CNTN4: variants seen among roughly 807,000 people sequenced by gnomAD.
CNTN4 encodes the protein contactin 4, also known as contactin-4.
Under a neutral mutation model 122.5 loss-of-function variants are expected in CNTN4, and 77 were observed. The ratio of observed to expected loss-of-function variants is 0.63; its 90% CI spans 0.52 to 0.76. The LOEUF is 0.76. Ranked by LOEUF, CNTN4 falls within the 30% of genes least tolerant of loss-of-function variation. The pLI, the probability that CNTN4 is intolerant of heterozygous loss-of-function variation, is 0.00. For synonymous variants in CNTN4, 512 were observed against 447.0 expected, an observed-to-expected ratio of 1.15 and a Z score of -1.83; for missense variants, 1,256 against 1,259.1, an observed-to-expected ratio of 1.00 and a Z score of 0.04.
chr3:2,667,441 T>C (rs2084236669), intron 4 of CNTN4, among the ~76,000 whole-genome samples: 1 of 152,192 alleles, frequency 6.6e-6, no homozygotes, highest in East Asian at 1.9e-4. Context: ...TGGGGTTGTT[T>C]GACTTTTTCT....
At chr3:3,010,606 A>C (rs1697134865) in intron 14 of CNTN4, among the ~76,000 whole-genome samples, 1 of 152,120 alleles carries the variant, frequency 6.6e-6, no homozygotes, top group Admixed American at 6.5e-5. Flanking sequence ...TGTAGTGATT[A>C]TTTTTGTTAT....
At chr3:2,388,274 A>C (rs2046318622) in intron 3 of CNTN4, among the ~76,000 whole-genome samples, 1 of 152,148 alleles carries the variant, frequency 6.6e-6, no homozygotes, top group South Asian at 2.1e-4. Context: ...TGTTTCTCAT[A>C]ATTTAAATGT....
chr3:2,519,534 G>C (rs1559630102), intron 3 of CNTN4, among the ~76,000 whole-genome samples: 2 of 152,118 alleles, frequency 1.3e-5, no homozygotes, highest in Non-Finnish European at 2.9e-5. Flanking sequence ...TTCACATTCT[G>C]TACCACGAAG....
At chr3:2,694,777 A>G (rs988117281) in intron 4 of CNTN4, among the ~76,000 whole-genome samples, 4 of 152,146 alleles carry the variant, frequency 2.6e-5, no homozygotes, top group Non-Finnish European at 4.4e-5. Context: ...TAAACCTACA[A>G]TGCTATTCTA....
At chr3:2,533,031 G>A (rs1399443943) in intron 3 of CNTN4, among the ~76,000 whole-genome samples, 4 of 151,576 alleles carry the variant, frequency 2.6e-5, no homozygotes, top group Non-Finnish European at 5.9e-5. Context: ...TGTGAATCTT[G>A]TTTTCATTAT....
intron 3 of CNTN4, among the ~76,000 whole-genome samples, chr3:2,390,825 A>G (rs968035270): frequency 1.3e-5 from 2 of 152,288 alleles, no homozygotes; most frequent in African/African-American, 2.4e-5. Flanking sequence ...TGTTTCTTGC[A>G]CTTGGAAATT....
intron 4 of CNTN4, among the ~76,000 whole-genome samples, chr3:2,604,927 A>C (rs558431383): frequency 6.6e-6 from 1 of 152,318 alleles, no homozygotes; most frequent in Admixed American, 6.5e-5. Context: ...TAAATAGTAC[A>C]GTATTGTTAA....
chr3:2,768,469 A>T (rs182412160), intron 6 of CNTN4, among the ~76,000 whole-genome samples: 104 of 152,328 alleles, frequency 6.8e-4, no homozygotes, highest in African/African-American at 2.5e-3. Flanking sequence ...TTGGTGAAGT[A>T]TTTACTAGAT....
intron 12 of CNTN4, among the ~76,000 whole-genome samples, 163 bp downstream of exon 12, chr3:2,903,168 A>G (rs1480472515): frequency 6.6e-6 from 1 of 152,246 alleles, no homozygotes; most frequent in Non-Finnish European, 1.5e-5. Context: ...TCTATAAACA[A>G]TAACAAGAGA....
intron 2 of CNTN4, among the ~76,000 whole-genome samples, chr3:2,324,608 C>A (rs182364501): frequency 6.6e-6 from 1 of 152,192 alleles, no homozygotes; most frequent in East Asian, 1.9e-4. Flanking sequence ...AGATCTGTTT[C>A]CCTCCATCTA....
Position 2,600,005 on chromosome 3 carries a change from CTTCTTTTTTT to C in CNTN4, c.55+28450_55+28459del, listed in dbSNP as rs1434993778. Among the ~76,000 whole-genome samples the C allele has an allele frequency of 6.8e-3, 192 of 28,298 alleles. 6 individuals are homozygous for C. Among genetic ancestry groups the C allele is most frequent in the African/African-American group, 0.012 (150 of 12,740 alleles). The allele number at this position is 28,298 out of a possible 152,430, so 18.6% of individuals were successfully genotyped here. A position where few individuals can be genotyped will look rare whatever the true frequency, so the allele number is the denominator to read the frequency against. ...CAACTCTATTTTGGTTTATGGAATT[CTTCTTTTTTT>C]TTTTTTTTTTTTTTTTTTTTGCCAA... On this transcript the variant is annotated intron_variant, in intron 4 of 24. Coordinates refer to ENST00000418658, the MANE Select transcript of CNTN4 (RefSeq NM_175607.3).
chr3:3,039,755 T>G (rs1699969180), intron 19 of CNTN4: 2 of 417,602 alleles, frequency 4.8e-6, no homozygotes, highest in Non-Finnish European at 8.9e-6. Context: ...CCAGTGTTTT[T>G]TTTTTTACAA....
intron 4 of CNTN4, among the ~76,000 whole-genome samples, chr3:2,649,042 C>G (rs1057398857): frequency 6.6e-6 from 1 of 152,110 alleles, no homozygotes; most frequent in Non-Finnish European, 1.5e-5. Context: ...TCTGTGAAGG[C>G]TGAAAGAGGC....
At position 2,660,013 on chromosome 3, in the gene CNTN4, A is replaced by G. The variant is rs142877755; in HGVS notation, c.56-76202A>G. Among the ~76,000 whole-genome samples the G allele has an allele frequency of 2.0e-3, 307 of 152,298 alleles. 2 individuals are homozygous for G. The highest frequency in any genetic ancestry group is 7.0e-3 in the African/African-American group (292 of 41,570). On this transcript the variant is annotated intron_variant, in intron 4 of 24. Coordinates refer to ENST00000418658, the MANE Select transcript of CNTN4 (RefSeq NM_175607.3). ...TTTTATTGGCTTTTAAAATAGCATG[A>G]CGATCTGATGCACAGTCACTGGGCT...
intron 14 of CNTN4, among the ~76,000 whole-genome samples, chr3:3,000,168 A>AAT (rs1695897135): frequency 6.6e-6 from 1 of 151,684 alleles, no homozygotes. Flanking sequence ...ATGAGTCTAC[A>AAT]ATATATATAC....
intron 7 of CNTN4, among the ~76,000 whole-genome samples, chr3:2,845,164 C>T (rs916771443): frequency 2.0e-5 from 3 of 152,066 alleles, no homozygotes; most frequent in South Asian, 2.1e-4. Flanking sequence ...AAAGGTTCTA[C>T]GGACAATTAT....
chr3:2,237,428 C>G (rs1462151348), intron 2 of CNTN4, among the ~76,000 whole-genome samples: 1 of 151,980 alleles, frequency 6.6e-6, no homozygotes, highest in Non-Finnish European at 1.5e-5. Flanking sequence ...GAGCTATAAC[C>G]CACCACTGCA....
In CNTN4 at chr3:2,632,421, A is replaced by G. The variant is rs539460729; in HGVS notation, c.55+60863A>G. On this transcript the variant is annotated intron_variant, in intron 4 of 24. Transcript: ENST00000418658. ...GAGCATTAGATAAAGGACTTTTCCT[A>G]TCCTCAGGGGTCATGTTGTACGTAA... Among the ~76,000 whole-genome samples, 4 of 152,214 alleles carry G rather than the reference A, an allele frequency of 2.6e-5. 1 individual carries two copies. In the South Asian group the frequency reaches 6.2e-4, roughly 24 times the overall value.
At chr3:2,662,685 C>T (rs1183102123) in intron 4 of CNTN4, among the ~76,000 whole-genome samples, 2 of 152,094 alleles carry the variant, frequency 1.3e-5, no homozygotes, top group East Asian at 3.9e-4. Context: ...TAGGGACCTT[C>T]CAGGCAGAAG....
Sources: allele counts gnomAD v4.1 joint callset (sites outside exome capture counted in the v4.1 genomes callset), GRCh38; gene constraint gnomAD v4.1.1; transcripts MANE v1.5; gene names NCBI Gene and HGNC (gene_info 2026-07-23, HGNC 2026-07-21).